The following PLEKHM3 variants were observed in gnomAD, a reference collection of about 807,000 sequenced individuals.
The protein encoded by PLEKHM3 is pleckstrin homology domain containing M3.
PLEKHM3 carries 45 observed loss-of-function variants against 81.8 expected under a neutral mutation model. That is an observed-to-expected ratio of 0.55 (90% CI 0.43 to 0.71). PLEKHM3 has a LOEUF of 0.71. Ranked by LOEUF, PLEKHM3 falls within the 30% of genes least tolerant of loss-of-function variation. The probability of loss-of-function intolerance (pLI) is 0.00; values close to 1 mark genes in which losing one functional copy is unlikely to be tolerated. For synonymous variants in PLEKHM3, 352 were observed against 356.4 expected, an observed-to-expected ratio of 0.99 and a Z score of 0.14; for missense variants, 788 against 924.3, an observed-to-expected ratio of 0.85 and a Z score of 1.91.
chr2:207,913,996 A>G (rs1007115081), intron 5 of PLEKHM3, among the ~76,000 whole-genome samples: 1 of 152,004 alleles, frequency 6.6e-6, no homozygotes, highest in Non-Finnish European at 1.5e-5. Context: ...CACACACCCC[A>G]CACACAGTAT....
intron 2 of PLEKHM3, among the ~76,000 whole-genome samples, chr2:207,980,402 T>C (rs1691478886): frequency 6.6e-6 from 1 of 152,108 alleles, no homozygotes; most frequent in African/African-American, 2.4e-5. Flanking sequence ...ACCTTCTAGA[T>C]GCAGAAGAAG....
intron 6 of PLEKHM3, among the ~76,000 whole-genome samples, chr2:207,895,298 C>T (rs914108439): frequency 2.0e-5 from 3 of 152,196 alleles, no homozygotes; most frequent in Non-Finnish European, 4.4e-5. Context: ...AGCAAACAGG[C>T]TGAGGATCCT....
intron 4 of PLEKHM3, among the ~76,000 whole-genome samples, chr2:207,932,439 T>G (rs1455908866): frequency 6.6e-6 from 1 of 152,094 alleles, no homozygotes; most frequent in African/African-American, 2.4e-5. Flanking sequence ...CTAAAAACTT[T>G]CCATTAAAAT....
chr2:207,914,132 C>A (rs1254264079), intron 5 of PLEKHM3, among the ~76,000 whole-genome samples: 1 of 152,120 alleles, frequency 6.6e-6, no homozygotes, highest in African/African-American at 2.4e-5. Flanking sequence ...GTGGGAGGAT[C>A]ACTTGAGCTC....
intron 6 of PLEKHM3, among the ~76,000 whole-genome samples, chr2:207,904,348 A>G (rs1233827803): frequency 6.6e-6 from 1 of 152,164 alleles, no homozygotes; most frequent in Non-Finnish European, 1.5e-5. Context: ...AGCTCCTAGG[A>G]TCTGGAGAGC....
chr2:207,829,833 T>G (rs541695799), intron 7 of PLEKHM3, among the ~76,000 whole-genome samples: 1 of 152,086 alleles, frequency 6.6e-6, no homozygotes, highest in Non-Finnish European at 1.5e-5. Context: ...TCTTTTGCTT[T>G]TTCACAGCGT....
intron 3 of PLEKHM3, among the ~76,000 whole-genome samples, chr2:207,969,876 A>G (rs1047445684): frequency 6.6e-6 from 1 of 152,328 alleles, no homozygotes; most frequent in South Asian, 2.1e-4. Flanking sequence ...ATTAGTACAT[A>G]GATTTTTTTC....
intron 6 of PLEKHM3, among the ~76,000 whole-genome samples, chr2:207,886,042 T>G (rs1687876531): frequency 6.6e-6 from 1 of 152,088 alleles, no homozygotes; most frequent in South Asian, 2.1e-4. Flanking sequence ...TTTTTCAAGT[T>G]TCCAATTTTA....
chr2:207,840,166 G>A (rs1373120445), intron 7 of PLEKHM3, among the ~76,000 whole-genome samples: 1 of 152,130 alleles, frequency 6.6e-6, no homozygotes, highest in Non-Finnish European at 1.5e-5. Flanking sequence ...AACGAAAATA[G>A]GAGGTGATAT....
rs1226187210 is a variant in PLEKHM3 at position 207,923,880 on chromosome 2, CATATATAT to C, written c.1886+7038_1886+7045del. ...GCACACACACACACACACACACACACATATATATATATATATATATATATATTTTTTTT... is the reference window on the plus strand; with the variant it reads ...GCACACACACACACACACACACACACATATATATATATATATATTTTTTTT... On this transcript the variant is annotated intron_variant, in intron 5 of 7. Coordinates refer to ENST00000427836, the MANE Select transcript of PLEKHM3 (RefSeq NM_001080475.3). 2.5e-4 allele frequency among the ~76,000 whole-genome samples: 14 copies of C among 56,784 alleles called. 1 individual carries two copies. Among genetic ancestry groups the C allele is most frequent in the Non-Finnish European group, 3.5e-4 (11 of 31,290 alleles). 37.3% of individuals were successfully genotyped at this position (56,784 alleles called of 152,430 possible).
chr2:207,840,597 T>C (rs952777960), intron 7 of PLEKHM3, among the ~76,000 whole-genome samples: 6 of 152,334 alleles, frequency 3.9e-5, no homozygotes, highest in African/African-American at 1.4e-4. Context: ...GAGTTGTTCA[T>C]GTAGTTTTTG....
intron 2 of PLEKHM3, among the ~76,000 whole-genome samples, chr2:207,996,986 CATT>C (rs986702074): frequency 6.8e-6 from 1 of 146,382 alleles, no homozygotes; most frequent in Non-Finnish European, 1.5e-5. Flanking sequence ...TCAGTACTAC[CATT>C]ACCTCATACT....
chr2:207,854,140 T>C (rs2092426755), intron 7 of PLEKHM3, among the ~76,000 whole-genome samples: 1 of 152,218 alleles, frequency 6.6e-6, no homozygotes, highest in South Asian at 2.1e-4. Context: ...CCTGAAAGGA[T>C]ATTAGGTATA....
chr2:207,932,011 A>C (rs1274113938), intron 4 of PLEKHM3, among the ~76,000 whole-genome samples: 1 of 152,212 alleles, frequency 6.6e-6, no homozygotes, highest in Non-Finnish European at 1.5e-5. Flanking sequence ...AATCATGTAC[A>C]TATTACAACA....
intron 3 of PLEKHM3, among the ~76,000 whole-genome samples, chr2:207,972,526 G>A (rs1437000661): frequency 6.6e-6 from 1 of 151,132 alleles, no homozygotes; most frequent in Admixed American, 6.6e-5. Context: ...GGCGGAGGTT[G>A]CAGTGAGCCG....
intron 6 of PLEKHM3, among the ~76,000 whole-genome samples, chr2:207,885,240 T>C (rs970496173): frequency 3.3e-5 from 5 of 152,228 alleles, no homozygotes; most frequent in African/African-American, 1.2e-4. Flanking sequence ...TCTGGGTTTA[T>C]TGGCGTATGT....
intron 2 of PLEKHM3, among the ~76,000 whole-genome samples, chr2:207,980,130 C>T (rs1356570166): frequency 1.3e-5 from 2 of 152,114 alleles, no homozygotes; most frequent in African/African-American, 2.4e-5. Context: ...TACTGTGACC[C>T]AAAGGCTCAG....
chr2:207,848,661 A>T (rs1213766918), intron 7 of PLEKHM3, among the ~76,000 whole-genome samples: 1 of 152,230 alleles, frequency 6.6e-6, no homozygotes, highest in Non-Finnish European at 1.5e-5. Flanking sequence ...TGTGTACATG[A>T]GGCTTAAAGA....
chr2:207,987,646 A>T (rs1004252399), intron 2 of PLEKHM3, among the ~76,000 whole-genome samples: 1 of 152,016 alleles, frequency 6.6e-6, no homozygotes, highest in South Asian at 2.1e-4. Context: ...ACCCTCTTTG[A>T]CTCTAGAGAC....
Sources: allele counts gnomAD v4.1 joint callset (sites outside exome capture counted in the v4.1 genomes callset), GRCh38; gene constraint gnomAD v4.1.1; transcripts MANE v1.5; gene names NCBI Gene and HGNC (gene_info 2026-07-23, HGNC 2026-07-21).